Variants in RNF150 observed in about 807,000 individuals in gnomAD.
RNF150 encodes ring finger protein 150.
In RNF150, 24 loss-of-function variants were observed where a neutral mutation model predicts 39.3. That is an observed-to-expected ratio of 0.61 (90% CI 0.44 to 0.86). The LOEUF (loss-of-function observed/expected upper bound fraction) is 0.86. Among genes scored for constraint, RNF150 ranks in the 40% least tolerant of loss-of-function variants. The pLI, the probability that RNF150 is intolerant of heterozygous loss-of-function variation, is 0.00. For synonymous variants in RNF150, 255 were observed against 227.3 expected (o/e 1.12, Z -1.10); for missense variants, 502 against 587.8 (o/e 0.85, Z 1.51).
intron 1 of RNF150, among the ~76,000 whole-genome samples, chr4:141,110,304 T>G (rs747269660): frequency 6.6e-6 from 1 of 152,126 alleles, no homozygotes; most frequent in South Asian, 2.1e-4. Context: ...TCTTCCCACA[T>G]TTTCCCACCC....
At chr4:141,006,271 TACATACATATATACGTATATATATACAC>T (rs1560684096) in intron 1 of RNF150, among the ~76,000 whole-genome samples, 1 of 150,382 alleles carries the variant, frequency 6.6e-6, no homozygotes, top group Non-Finnish European at 1.5e-5. Flanking sequence ...CGTATATATA[TACATACATATATACGTATATATATACAC>T]ACACACACAC....
At chr4:141,048,827 A>ATAT (rs1736675197) in intron 1 of RNF150, among the ~76,000 whole-genome samples, 2 of 152,228 alleles carry the variant, frequency 1.3e-5, no homozygotes, top group South Asian at 4.1e-4. Flanking sequence ...TATATTGCCT[A>ATAT]GTAGCTTTTT....
chr4:141,210,366 T>C (rs1728442434), intron 1 of RNF150, among the ~76,000 whole-genome samples: 1 of 152,174 alleles, frequency 6.6e-6, no homozygotes, highest in Admixed American at 6.5e-5. Context: ...ATTAAGCTCC[T>C]TGAAGTGGTT....
At chr4:140,943,676 A>T (rs1485909895) in intron 4 of RNF150, among the ~76,000 whole-genome samples, 1 of 152,198 alleles carries the variant, frequency 6.6e-6, no homozygotes, top group African/African-American at 2.4e-5. Context: ...AGCATGCATC[A>T]TGCCATTTGT....
In RNF150 at chr4:140,887,262, T is replaced by A. The variant is rs114477207; in HGVS notation, c.1199-18883A>T. ...GAAATAAACAATCTCAGCTTCCTCA[T>A]CAGTAAAGTACTGATAATAATACAT... On this transcript the variant is annotated intron_variant, in intron 6 of 6. Transcript: ENST00000515673. Among the ~76,000 whole-genome samples the A allele has an allele frequency of 4.1e-3, 630 of 152,338 alleles. 4 individuals carry two copies. The highest frequency in any genetic ancestry group is 0.015 in the African/African-American group (606 of 41,572).
chr4:140,873,515 T>C (rs1422706377), intron 6 of RNF150, among the ~76,000 whole-genome samples: 1 of 152,186 alleles, frequency 6.6e-6, no homozygotes, highest in Non-Finnish European at 1.5e-5. Flanking sequence ...CTCCTTCATC[T>C]TTTATAAATA....
chr4:140,940,422 AGT>A (rs1732036933), intron 4 of RNF150, among the ~76,000 whole-genome samples: 1 of 151,936 alleles, frequency 6.6e-6, no homozygotes, highest in African/African-American at 2.4e-5. Flanking sequence ...TAACAATTGA[AGT>A]GTCCAAAAAT....
rs149808224 is a variant in RNF150 at position 141,202,572 on chromosome 4, G to T, written c.-6+10222C>A. On this transcript the variant is annotated intron_variant, in intron 1 of 7. Coordinates refer to the RNF150 transcript ENST00000420921. ...TATTTTTCAAATTTTTTTTTTGGAA[G>T]AGGAAGTCATACTCTAATGTAAAAT... Among the ~76,000 whole-genome samples the T allele has an allele frequency of 3.8e-3, 579 of 151,942 alleles. 5 individuals carry two copies. The highest frequency in any genetic ancestry group is 0.014 in the African/African-American group (563 of 41,472).
At chr4:140,978,709 T>C (rs1436720786) in intron 1 of RNF150, among the ~76,000 whole-genome samples, 1 of 152,156 alleles carries the variant, frequency 6.6e-6, no homozygotes, top group Non-Finnish European at 1.5e-5. Context: ...GAGTGATGAA[T>C]ATAGAATAAG....
intron 1 of RNF150, among the ~76,000 whole-genome samples, chr4:141,179,283 C>T (rs1550059): frequency 0.97 from 148,008 of 152,294 alleles, 72,075 homozygotes; most frequent in East Asian, 1. Flanking sequence ...GTGAGATTCT[C>T]TGACTTCATT....
chr4:141,108,741 C>T (rs138699835), intron 1 of RNF150, among the ~76,000 whole-genome samples: 208 of 152,176 alleles, frequency 1.4e-3, no homozygotes, highest in African/African-American at 4.9e-3. Flanking sequence ...AGGTTGAGTC[C>T]GTTAAGGGAT....
intron 1 of RNF150, among the ~76,000 whole-genome samples, chr4:141,199,977 T>C (rs1032616125): frequency 6.6e-6 from 1 of 152,172 alleles, no homozygotes; most frequent in African/African-American, 2.4e-5. Context: ...TGTGCATATA[T>C]ACATATTGAC....
At chr4:141,020,906 G>A (rs1427208200) in intron 1 of RNF150, among the ~76,000 whole-genome samples, 1 of 152,136 alleles carries the variant, frequency 6.6e-6, no homozygotes, top group Non-Finnish European at 1.5e-5. Context: ...GCTGTGTGAA[G>A]GAGAACCAGA....
rs111691777 is a variant in RNF150 at position 140,889,806 on chromosome 4, T to C, written c.1198+21338A>G. Among the ~76,000 whole-genome samples, 3 of 152,338 alleles carry C rather than the reference T, an allele frequency of 2.0e-5. 1 individual carries two copies. The highest frequency in any genetic ancestry group is 1.9e-4 in the East Asian group (1 of 5,194). The stretch of plus-strand genomic sequence containing the variant: ...CTCATTTTCATTTTATTTTTGATAA[T>C]TGAATCCTGACATTATATTCTATAT... On this transcript the variant is annotated intron_variant, in intron 6 of 6. Coordinates refer to ENST00000515673, the MANE Select transcript of RNF150 (RefSeq NM_020724.2).
intron 1 of RNF150, among the ~76,000 whole-genome samples, chr4:141,109,781 TTTAAGATCATGATAGCAA>T (rs1739327243): frequency 1.3e-5 from 2 of 152,228 alleles, no homozygotes; most frequent in South Asian, 4.2e-4. Flanking sequence ...CAAACACCTA[TTTAAGATCATGATAGCAA>T]TTAAGAAAAC....
At chr4:141,211,914 G>T (rs987883977) in intron 1 of RNF150, among the ~76,000 whole-genome samples, 5 of 152,128 alleles carry the variant, frequency 3.3e-5, no homozygotes, top group East Asian at 1.9e-4. Flanking sequence ...GTGAAGGAAA[G>T]AATTTAATAG....
intron 1 of RNF150, among the ~76,000 whole-genome samples, chr4:141,019,219 T>C (rs1258499331): frequency 6.6e-6 from 1 of 151,704 alleles, no homozygotes; most frequent in East Asian, 1.9e-4. Flanking sequence ...ACACATACTC[T>C]TGAATCACAG....
At chr4:141,134,951 A>G (rs1179269875), upstream of RNF150, among the ~76,000 whole-genome samples, 4 of 152,158 alleles carry the variant, frequency 2.6e-5, no homozygotes, top group South Asian at 2.1e-4. Flanking sequence ...TGGAGAAGCT[A>G]TGTTATTAAG....
At chr4:141,039,746 C>T (rs1736287973) in intron 1 of RNF150, among the ~76,000 whole-genome samples, 1 of 152,126 alleles carries the variant, frequency 6.6e-6, no homozygotes, top group African/African-American at 2.4e-5. Context: ...TTATTAACTG[C>T]AAGCTCCTAT....
Sources: allele counts gnomAD v4.1 joint callset (sites outside exome capture counted in the v4.1 genomes callset), GRCh38; gene constraint gnomAD v4.1.1; transcripts MANE v1.5; gene names NCBI Gene and HGNC (gene_info 2026-07-23, HGNC 2026-07-21).